TTC22: variants seen among roughly 807,000 people sequenced by gnomAD.
TTC22 encodes tetratricopeptide repeat protein 22.
TTC22 carries 42 observed loss-of-function variants against 48.2 expected under a neutral mutation model. The ratio of observed to expected loss-of-function variants is 0.87; its 90% CI spans 0.68 to 1.13. The LOEUF is 1.13. Among genes scored for constraint, TTC22 ranks in the 50% most tolerant of loss-of-function variants. TTC22 has a pLI of 0.00. For missense variants in TTC22, 784 were observed against 807.0 expected, an observed-to-expected ratio of 0.97 and a Z score of 0.34; for synonymous variants, 345 against 365.5, an observed-to-expected ratio of 0.94 and a Z score of 0.64.
In TTC22 at chr1:54,781,684, G is replaced by GC; in HGVS notation, c.1268dup (p.Glu424ArgfsTer233). On this transcript the variant is annotated frameshift_variant, in exon 7 of 7. Coordinates refer to ENST00000371276, the MANE Select transcript of TTC22 (RefSeq NM_001114108.2). LOFTEE classifies it high-confidence loss of function. ...GCAGCGTGGCACCCAGCTCCGACTC[G>GC]CCCGCCTTGGCCAGGAACACCAGCG... 1 of 1,529,856 alleles carries GC rather than the reference G, an allele frequency of 6.5e-7. No individual in the cohort carries two copies. Among genetic ancestry groups the GC allele is most frequent in the Non-Finnish European group, 8.7e-7 (1 of 1,143,968 alleles). 94.8% of individuals were successfully genotyped at this position (1,529,856 alleles called of 1,614,324 possible).
Position 54,786,032 on chromosome 1 carries a change from A to G in TTC22, c.971T>C (p.Val324Ala), listed in dbSNP as rs1376718355. The G allele has an allele frequency of 1.2e-6, 2 of 1,613,972 alleles. No individual in the cohort carries two copies. The highest frequency in any genetic ancestry group is 2.7e-5 in the African/African-American group (2 of 74,882). ...AIGTCNMALD[V>A]LRDPELNWQA... ...CCAGTTGAGTTCTGGATCTCGTAGG[A>G]CATCCAGGGCCATGTTGCAGGTTCC... is the stretch of plus-strand genomic sequence containing the variant. Residue 324 changes from valine to alanine, a missense_variant, in exon 5 of 7, where the codon GTC becomes GCC. Coordinates refer to ENST00000371276, the MANE Select transcript of TTC22 (RefSeq NM_001114108.2).
chr1:54,800,990 C>T lies in TTC22; in HGVS notation c.174G>A (p.Gln58=). The T allele has an allele frequency of 6.2e-7, 1 of 1,606,010 alleles. No individual in the cohort carries two copies. Among genetic ancestry groups the T allele is most frequent in the Non-Finnish European group, 8.5e-7 (1 of 1,177,680 alleles). The change falls in exon 1 of 7, where the codon CAG becomes CAA. Residue 58 remains glutamine, a synonymous_variant. Transcript: ENST00000371276. ...LQREGLRQEL[Q]LAAAPQRPAV... is the part of the protein sequence containing the mutation. Reference sequence around the variant, plus strand: ...CGGGGCGCTGCGGGGCGGCCGCCAGCTGGAGCTCCTGCCGCAGACCCTCCC... The same window carrying T: ...CGGGGCGCTGCGGGGCGGCCGCCAGTTGGAGCTCCTGCCGCAGACCCTCCC...
At chr1:54,795,290 G>T (rs1438112964) in intron 1 of TTC22, among the ~76,000 whole-genome samples, 1 of 152,238 alleles carries the variant, frequency 6.6e-6, no homozygotes, top group Non-Finnish European at 1.5e-5. Context: ...ACAGGTGGAG[G>T]GAATTTGGGA....
rs200521080 is a variant in TTC22, at chr1:54,788,093, G to T, written c.572C>A (p.Pro191Gln). Residue 191 changes from proline (P) to glutamine (Q), a missense_variant, in exon 2 of 7, where the codon CCG becomes CAG. Transcript: ENST00000371276. Reference sequence around the variant, plus strand: ...ATACCAGCCCCTTTTCTCCTCCATCGGGATCTAGGGAAACAGAGAACAGCC... The same window carrying T: ...ATACCAGCCCCTTTTCTCCTCCATCTGGATCTAGGGAAACAGAGAACAGCC... ...DKALGYGQQI[P>Q]MEEKRGWYFT... The T allele has an allele frequency of 2.8e-5, 45 of 1,613,936 alleles. 1 individual carries two copies. The East Asian group carries it at 6.5e-4, about 23-fold the overall frequency.
Position 54,800,962 on chromosome 1 carries a change from C to G in TTC22, c.202G>C (p.Val68Leu), listed in dbSNP as rs550225951. ...QLAAAPQRPA[V>L]RHLLGAFAFY... is the part of the protein sequence containing the mutation. ...GCGAAAGCGCCCAGGAGGTGACGCA[C>G]AGCGGGGCGCTGCGGGGCGGCCGCC... is the stretch of plus-strand genomic sequence containing the variant. Residue 68 changes from valine to leucine, a missense_variant, in exon 1 of 7, where the codon GTG becomes CTG. Transcript: ENST00000371276. 3 of 1,604,602 alleles carry G rather than the reference C, an allele frequency of 1.9e-6. No individual in the cohort carries two copies. Among genetic ancestry groups the G allele is most frequent in the Admixed American group, 3.4e-5 (2 of 59,170 alleles).
chr1:54,787,117 G>C, intron 3 of TTC22, 42 bp from the exon 4 acceptor site: 2 of 1,112,432 alleles, frequency 1.8e-6, no homozygotes, highest in Non-Finnish European at 2.5e-6. Context: ...GAAGCAGCAG[G>C]GTGGAGAGAG....
At chr1:54,796,602 G>A (rs752428572) in intron 1 of TTC22, among the ~76,000 whole-genome samples, 1 of 152,244 alleles carries the variant, frequency 6.6e-6, no homozygotes, top group Non-Finnish European at 1.5e-5. Flanking sequence ...CTGCCCTGGT[G>A]TGTATGTGAC....
Position 54,800,478 on chromosome 1 carries a change from A to G in TTC22, c.567+119T>C, listed in dbSNP as rs1317010338. 1.8e-5 allele frequency: 17 copies of G among 931,902 alleles called. No homozygotes were observed. In the Admixed American group the frequency reaches 6.7e-4, roughly 36 times the overall value. 57.7% of individuals were successfully genotyped at this position (931,902 alleles called of 1,614,324 possible). ...GATGCACATTGGAAAGGCATTTGGG[A>G]GGCCAAAAGACCATGGTTGAGAGAG... is the stretch of plus-strand genomic sequence containing the variant. On this transcript the variant is annotated intron_variant, in intron 1 of 6. Coordinates refer to ENST00000371276, the MANE Select transcript of TTC22 (RefSeq NM_001114108.2).
rs200133292 is a variant in TTC22, at chr1:54,800,711, G to C, written c.453C>G (p.Ala151=). 8.4e-6 allele frequency: 13 copies of C among 1,544,984 alleles called. No homozygotes were observed. The highest frequency in any genetic ancestry group is 4.8e-5 in the East Asian group (2 of 41,304). Residue 151 remains alanine, a synonymous_variant, in exon 1 of 7, where the codon GCC becomes GCG. Coordinates refer to ENST00000371276, the MANE Select transcript of TTC22 (RefSeq NM_001114108.2). ...CGAAGCCATGCGCGTAGCCCTGCTC[G>C]GCCAGGCAGCGAGCGGCGCGGAGCT... is the stretch of plus-strand genomic sequence containing the variant. The part of the protein sequence containing the change: ...DPQLRAARCL[A]EQGYAHGFDV...
rs150021581 is a variant in TTC22, at chr1:54,792,979, G to A, written c.568-4882C>T. ...GTTACAGAGTTTATGACTCCCAGAG[G>A]CAAGATGTTTGGAGGCAGCCTGGGA... is the stretch of plus-strand genomic sequence containing the variant. On this transcript the variant is annotated intron_variant, in intron 1 of 6. Coordinates refer to ENST00000371276, the MANE Select transcript of TTC22 (RefSeq NM_001114108.2). 6 of 152,318 alleles carry A rather than the reference G, an allele frequency of 3.9e-5. No homozygotes were observed. The East Asian group carries it at 1.2e-3, about 29-fold the overall frequency. The allele number at this position is 152,318 out of a possible 1,614,324, so 9.4% of individuals were successfully genotyped here.
chr1:54,797,298 T>G (rs1646399563), intron 1 of TTC22, among the ~76,000 whole-genome samples: 1 of 151,982 alleles, frequency 6.6e-6, no homozygotes, highest in South Asian at 2.1e-4. Context: ...GTGTGTATAT[T>G]TAGAGGGTTG....
At chr1:54,792,336 A>G (rs1448636761) in intron 1 of TTC22, among the ~76,000 whole-genome samples, 1 of 152,196 alleles carries the variant, frequency 6.6e-6, no homozygotes, top group Non-Finnish European at 1.5e-5. Flanking sequence ...CCTAGTCAGA[A>G]GCCTCATTGT....
intron 1 of TTC22, among the ~76,000 whole-genome samples, chr1:54,792,557 C>A (rs967141316): frequency 5.3e-5 from 8 of 152,194 alleles, no homozygotes; most frequent in African/African-American, 1.9e-4. Flanking sequence ...CCTCAGCCTC[C>A]CGAGTAGCTG....
intron 1 of TTC22, among the ~76,000 whole-genome samples, chr1:54,794,127 A>AC (rs35747286): frequency 6.6e-6 from 1 of 152,164 alleles, no homozygotes; most frequent in Non-Finnish European, 1.5e-5. Context: ...TCACTGTACT[A>AC]CCCTAAGGTG....
intron 1 of TTC22, 40 bp from the exon 2 acceptor site, chr1:54,788,137 G>T (rs1229422301): frequency 6.3e-7 from 1 of 1,595,584 alleles, no homozygotes; most frequent in Non-Finnish European, 8.6e-7. Flanking sequence ...CATTACTGAG[G>T]TACTCTGGCC....
At chr1:54,789,862 C>T (rs940914297) in intron 1 of TTC22, among the ~76,000 whole-genome samples, 6 of 152,142 alleles carry the variant, frequency 3.9e-5, no homozygotes, top group African/African-American at 9.7e-5. Context: ...CAGGTGGATA[C>T]GGTGAGAAAA....
intron 4 of TTC22, 62 bp downstream of exon 4, chr1:54,786,895 G>A (rs1194965052): frequency 2.4e-6 from 2 of 838,612 alleles, no homozygotes; most frequent in Non-Finnish European, 3.6e-6. Flanking sequence ...GTTCTAGGTG[G>A]AGAGGCTGGG....
At chr1:54,795,191 T>C (rs1004757436) in intron 1 of TTC22, among the ~76,000 whole-genome samples, 6 of 152,210 alleles carry the variant, frequency 3.9e-5, no homozygotes, top group African/African-American at 1.4e-4. Flanking sequence ...GAGAGCCCAC[T>C]GGCATGGCTC....
rs115228722 is a variant in TTC22 at position 54,795,709 on chromosome 1, G to A, written c.567+4888C>T. Among the ~76,000 whole-genome samples the A allele has an allele frequency of 4.0e-3, 613 of 152,316 alleles. 4 individuals carry two copies. The highest frequency in any genetic ancestry group is 0.014 in the African/African-American group (591 of 41,566). ...TCATCTTTTCTCCTGTAAAAGAGGT[G>A]GTTGGGCTGGATGATGCTAAAATCA... On this transcript the variant is annotated intron_variant, in intron 1 of 6. Coordinates refer to ENST00000371276, the MANE Select transcript of TTC22 (RefSeq NM_001114108.2).
Sources: gnomAD v4.1 joint callset for allele counts (sites outside exome capture counted in the v4.1 genomes callset) on GRCh38, gnomAD v4.1.1 for gene constraint, MANE v1.5 for transcripts, NCBI Gene and HGNC (gene_info 2026-07-23, HGNC 2026-07-21) for gene names.